Variants in TLK1 observed in about 807,000 individuals in gnomAD.
TLK1 encodes the protein tousled like kinase 1.
TLK1 carries 24 observed loss-of-function variants against 105.3 expected under a neutral mutation model. The ratio of observed to expected loss-of-function variants is 0.23; its 90% CI spans 0.17 to 0.32. The LOEUF is 0.32. Ranked by LOEUF, TLK1 falls within the 10% of genes least tolerant of loss-of-function variation. TLK1 has a pLI of 1.00. For synonymous variants in TLK1, 321 were observed against 310.4 expected (o/e 1.03, Z -0.36); for missense variants, 558 against 910.5 (o/e 0.61, Z 4.98).
intron 12 of TLK1, among the ~76,000 whole-genome samples, chr2:171,022,256 G>A (rs577864671): frequency 6.6e-6 from 1 of 152,250 alleles, no homozygotes; most frequent in South Asian, 2.1e-4. Context: ...GTCCATATGT[G>A]AGTAAGAGAT....
chr2:171,015,415 AACACACACACACACAC>A (rs56238853), intron 12 of TLK1, among the ~76,000 whole-genome samples: 3,751 of 132,686 alleles, frequency 0.028, 54 homozygotes, highest in Middle Eastern at 0.05. Context: ...TTGGAGTACA[AACACACACACACACAC>A]ACACACACAC....
chr2:171,056,880 C>T (rs922686275), intron 5 of TLK1, among the ~76,000 whole-genome samples: 2 of 151,924 alleles, frequency 1.3e-5, no homozygotes, highest in African/African-American at 4.8e-5. Flanking sequence ...TGTTTTCCCC[C>T]CAAATCTTAG....
intron 1 of TLK1, among the ~76,000 whole-genome samples, chr2:171,144,644 A>G (rs148068746): frequency 6.6e-6 from 1 of 152,196 alleles, no homozygotes; most frequent in Non-Finnish European, 1.5e-5. Flanking sequence ...CAACATATCA[A>G]AACTTATGGA....
intron 11 of TLK1, among the ~76,000 whole-genome samples, chr2:171,040,749 T>C (rs926776033): frequency 1.7e-4 from 26 of 151,974 alleles, no homozygotes; most frequent in Admixed American, 5.2e-4. Flanking sequence ...GCTAATTTTT[T>C]ATTTTTTGGT....
chr2:171,115,963 TTG>T lies in TLK1; in HGVS notation c.258+1774_258+1775del, dbSNP rs533691183. 7.4e-4 allele frequency among the ~76,000 whole-genome samples: 112 copies of T among 152,346 alleles called. 1 individual carries two copies. The South Asian group carries it at 0.022, about 30-fold the overall frequency. On this transcript the variant is annotated intron_variant, in intron 2 of 20. Coordinates refer to ENST00000431350, the MANE Select transcript of TLK1 (RefSeq NM_012290.5). Reference sequence around the variant, plus strand: ...ATTCTTATTAAAATATCTAATAAAGTTGTTTTTCATAATACTTTTATTCATGT... The same window carrying T: ...ATTCTTATTAAAATATCTAATAAAGTTTTTTCATAATACTTTTATTCATGT...
intron 1 of TLK1, among the ~76,000 whole-genome samples, chr2:171,223,213 G>A (rs554688609): frequency 3.3e-4 from 50 of 152,220 alleles, no homozygotes; most frequent in African/African-American, 1.2e-3. Context: ...AGTTTTTAGA[G>A]GAACCTCCAT....
chr2:171,037,551 T>C (rs115702812), intron 11 of TLK1, among the ~76,000 whole-genome samples: 120 of 152,270 alleles, frequency 7.9e-4, no homozygotes, highest in African/African-American at 2.8e-3. Flanking sequence ...CTTCTGCTTG[T>C]TTGCTAAGAG....
intron 1 of TLK1, among the ~76,000 whole-genome samples, chr2:171,223,003 C>T (rs932017826): frequency 7.9e-5 from 12 of 152,090 alleles, no homozygotes; most frequent in African/African-American, 1.4e-4. Context: ...TTAGTAGAGA[C>T]GGAGTTTCAC....
intron 1 of TLK1, among the ~76,000 whole-genome samples, chr2:171,148,891 AT>A (rs56981148): frequency 0.59 from 70,544 of 119,638 alleles, 21,393 homozygotes; most frequent in East Asian, 0.86. Context: ...AAAAAAAAAA[AT>A]ATATATATAT....
intron 1 of TLK1, among the ~76,000 whole-genome samples, chr2:171,157,122 C>T (rs1310446472): frequency 6.6e-6 from 1 of 152,070 alleles, no homozygotes. Flanking sequence ...ATCTTTTTGA[C>T]CAAGCTTTCA....
At position 171,160,461 on chromosome 2, in the gene TLK1, T is replaced by TGCGACGGCAGCGGCG. The variant is rs1451379529; in HGVS notation, c.-48_-34dup. 1.3e-6 allele frequency: 2 copies of TGCGACGGCAGCGGCG among 1,581,274 alleles called. No homozygotes were observed. Among genetic ancestry groups the TGCGACGGCAGCGGCG allele is most frequent in the Non-Finnish European group, 1.7e-6 (2 of 1,167,378 alleles). On this transcript the variant is annotated 5_prime_UTR_variant, in exon 1 of 21. Coordinates refer to ENST00000431350, the MANE Select transcript of TLK1 (RefSeq NM_012290.5). The surrounding 1 kb of genome is among the most constrained non-coding windows in gnomAD (Gnocchi z 4.4). ...CTTTCTGGGAACCCGACTCCCCCCCTGCGACGGCAGCGGCGGCAACGGCAC... is the reference window on the plus strand; with the variant it reads ...CTTTCTGGGAACCCGACTCCCCCCCTGCGACGGCAGCGGCGGCGACGGCAGCGGCGGCAACGGCAC...
intron 1 of TLK1, among the ~76,000 whole-genome samples, chr2:171,192,074 G>C (rs1693165418): frequency 6.6e-6 from 1 of 152,102 alleles, no homozygotes; most frequent in Non-Finnish European, 1.5e-5. Context: ...TGTTGCCTAG[G>C]CTAGAGTACA....
intron 1 of TLK1, among the ~76,000 whole-genome samples, chr2:171,201,206 CTGTCTT>C (rs1693392467): frequency 6.6e-6 from 1 of 152,050 alleles, no homozygotes; most frequent in Non-Finnish European, 1.5e-5. Context: ...TTTATATTAT[CTGTCTT>C]CCTTACCCTA....
At chr2:170,994,447 C>T (rs1683950881) in intron 20 of TLK1, among the ~76,000 whole-genome samples, 1 of 151,614 alleles carries the variant, frequency 6.6e-6, no homozygotes, top group Admixed American at 6.6e-5. Flanking sequence ...CATCATTACA[C>T]TCCTGGAAAA....
chr2:171,030,632 T>C (rs189562087), intron 11 of TLK1, among the ~76,000 whole-genome samples: 17 of 152,358 alleles, frequency 1.1e-4, no homozygotes, highest in Admixed American at 9.8e-4. Context: ...AGTTTGCCTA[T>C]GATACTGCTA....
At chr2:171,180,032 T>C (rs1692899319) in intron 1 of TLK1, among the ~76,000 whole-genome samples, 1 of 150,844 alleles carries the variant, frequency 6.6e-6, no homozygotes, top group South Asian at 2.1e-4. Context: ...GGGCCAGAAG[T>C]TGCAGTGAGC....
At chr2:171,131,114 T>G (rs546650077) in intron 1 of TLK1, among the ~76,000 whole-genome samples, 22 of 151,662 alleles carry the variant, frequency 1.5e-4, no homozygotes, top group African/African-American at 2.9e-4. Context: ...TATCTATATA[T>G]AGAGAGAGAT....
intron 18 of TLK1, among the ~76,000 whole-genome samples, chr2:171,003,995 C>A (rs1286073685): frequency 6.6e-6 from 1 of 151,860 alleles, no homozygotes; most frequent in Admixed American, 6.6e-5. Flanking sequence ...TGCTCTGTCG[C>A]CCAGGCAGGA....
chr2:171,136,067 C>G (rs1340373371), intron 1 of TLK1, among the ~76,000 whole-genome samples: 1 of 152,176 alleles, frequency 6.6e-6, no homozygotes, highest in Non-Finnish European at 1.5e-5. Flanking sequence ...GGAAGCAACC[C>G]ATGTCCAATC....
Sources: allele counts gnomAD v4.1 joint callset (sites outside exome capture counted in the v4.1 genomes callset), GRCh38; gene constraint gnomAD v4.1.1; non-coding constraint Gnocchi (gnomAD v3.1); transcripts MANE v1.5; gene names NCBI Gene and HGNC (gene_info 2026-07-23, HGNC 2026-07-21).